The following CFAP263 variants were observed in gnomAD, a reference collection of about 807,000 sequenced individuals.
The protein encoded by CFAP263 is cilia- and flagella-associated protein 263.
At chr16:58,271,885 A>G in the CFAP263 span, among the ~76,000 whole-genome samples, 2 of 152,244 alleles carry the variant, frequency 1.3e-5, no homozygotes, top group Non-Finnish European at 2.9e-5. Flanking sequence ...CACTATGTAC[A>G]GCCCATACTT....
chr16:58,265,845 G>T, the CFAP263 span, among the ~76,000 whole-genome samples: 1 of 152,170 alleles, frequency 6.6e-6, no homozygotes, highest in South Asian at 2.1e-4. Flanking sequence ...GTGGATACCT[G>T]CCCCGGCAGA....
At chr16:58,254,035 T>C in the CFAP263 span, 1 of 1,614,174 alleles carries the variant, frequency 6.2e-7, no homozygotes, top group Non-Finnish European at 8.5e-7. Context: ...CGGACAGGTA[T>C]GGACCGTGGG....
chr16:58,280,451 T>C, the CFAP263 span: 1 of 1,614,134 alleles, frequency 6.2e-7, no homozygotes. Context: ...CGTGAATGCG[T>C]GATGGTCCTT....
the CFAP263 span, chr16:58,278,786 C>T: frequency 1.4e-5 from 10 of 698,908 alleles, no homozygotes; most frequent in East Asian, 2.8e-5. Context: ...TAAACCAAGA[C>T]GAAGGATGAT....
chr16:58,255,683 C>T, the CFAP263 span, among the ~76,000 whole-genome samples: 1 of 151,888 alleles, frequency 6.6e-6, no homozygotes, highest in African/African-American at 2.4e-5. Context: ...CTCAGCCTCC[C>T]GAGTAGCTGG....
the CFAP263 span, among the ~76,000 whole-genome samples, chr16:58,272,993 T>C: frequency 3.9e-5 from 6 of 152,324 alleles, no homozygotes; most frequent in East Asian, 1.9e-4. Flanking sequence ...GCAGGTTTTT[T>C]TTCTTTTCAG....
At chr16:58,267,607 G>A in the CFAP263 span, 1 of 1,452,574 alleles carries the variant, frequency 6.9e-7, no homozygotes, top group Non-Finnish European at 9.7e-7. Context: ...GCAAAATGTG[G>A]TATTTCTGAT....
At chr16:58,261,373 CAAGCATGGGCATCAGGAAGAGGGGCTTT>C in the CFAP263 span, among the ~76,000 whole-genome samples, 3 of 152,150 alleles carry the variant, frequency 2.0e-5, no homozygotes, top group Non-Finnish European at 4.4e-5. Context: ...GAGGTTCATG[CAAGCATGGGCATCAGGAAGAGGGGCTTT>C]AAGCTGGAGA....
chr16:58,252,612 G>A, the CFAP263 span: 14 of 819,022 alleles, frequency 1.7e-5, no homozygotes, highest in Admixed American at 2.3e-4. Flanking sequence ...TATAGGTGAG[G>A]AAACTAAGGC....
the CFAP263 span, chr16:58,280,837 T>A: frequency 3.0e-6 from 4 of 1,350,584 alleles, no homozygotes; most frequent in African/African-American, 2.9e-5. Context: ...ATATACTGTT[T>A]GTTCTAGAAA....
chr16:58,263,910 G>T, the CFAP263 span, among the ~76,000 whole-genome samples: 84,499 of 151,952 alleles, frequency 0.56, 23,950 homozygotes, highest in African/African-American at 0.64. Flanking sequence ...ACCCCTGGGG[G>T]CAGAGGTTGC....
chr16:58,256,933 A>G, the CFAP263 span, among the ~76,000 whole-genome samples: 1,220 of 151,494 alleles, frequency 8.1e-3, 14 homozygotes, highest in African/African-American at 0.028. Context: ...AACATTCACA[A>G]TTTACCACTC....
chr16:58,274,838 G>A, the CFAP263 span, among the ~76,000 whole-genome samples: 1 of 152,230 alleles, frequency 6.6e-6, no homozygotes, highest in African/African-American at 2.4e-5. Context: ...CCCTGGAACT[G>A]GGGTGGGACA....
chr16:58,273,865 G>C, the CFAP263 span, among the ~76,000 whole-genome samples: 4 of 152,298 alleles, frequency 2.6e-5, no homozygotes, highest in South Asian at 6.2e-4. Context: ...GGCTGGACTA[G>C]ATCAGTAAAC....
At chr16:58,273,966 G>T in the CFAP263 span, among the ~76,000 whole-genome samples, 1 of 152,156 alleles carries the variant, frequency 6.6e-6, no homozygotes, top group Non-Finnish European at 1.5e-5. Context: ...GACGACCAGG[G>T]ATAATTGTTG....
At chr16:58,258,982 A>AAAAT in the CFAP263 span, among the ~76,000 whole-genome samples, 12,561 of 144,004 alleles carry the variant, frequency 0.087, 617 homozygotes, top group African/African-American at 0.099. Flanking sequence ...CGTCTCAGAA[A>AAAAT]AAATAAATAA....
At chr16:58,250,240 C>T in the CFAP263 span, 1 of 581,100 alleles carries the variant, frequency 1.7e-6, no homozygotes, top group Non-Finnish European at 3.0e-6. Context: ...GAGACTTTTC[C>T]TCTTTACTCC....
the CFAP263 span, among the ~76,000 whole-genome samples, chr16:58,268,552 T>A: frequency 2.9e-4 from 44 of 152,190 alleles, no homozygotes. Flanking sequence ...ATTATTAGTG[T>A]CATTGTCTTG....
At chr16:58,282,027 G>A in the CFAP263 span, 1 of 42,792 alleles carries the variant, frequency 2.3e-5, no homozygotes, top group Non-Finnish European at 4.8e-5. Flanking sequence ...TTTTTTTTTT[G>A]AGATGGAGTC....
Sources: allele counts gnomAD v4.1 joint callset (sites outside exome capture counted in the v4.1 genomes callset), GRCh38; gene constraint gnomAD v4.1.1; transcripts MANE v1.5; gene names NCBI Gene and HGNC (gene_info 2026-07-23, HGNC 2026-07-21).